Variants in ERP27 observed in about 807,000 individuals in gnomAD.
ERP27 encodes endoplasmic reticulum resident protein 27.
A neutral mutation model predicts 27.7 loss-of-function variants in ERP27; 23 were observed. That is an observed-to-expected ratio of 0.83 (90% CI 0.60 to 1.18). ERP27 has a LOEUF of 1.18. Among genes scored for constraint, ERP27 ranks in the 50% most tolerant of loss-of-function variants. The probability of loss-of-function intolerance (pLI) is 0.00; values close to 1 mark genes in which losing one functional copy is unlikely to be tolerated. For synonymous variants in ERP27, 159 were observed against 118.3 expected, an observed-to-expected ratio of 1.34 and a Z score of -2.23; for missense variants, 363 against 327.9, an observed-to-expected ratio of 1.11 and a Z score of -0.83.
At chr12:14,921,276 C>T (rs1282509298) in intron 3 of ERP27, among the ~76,000 whole-genome samples, 2 of 152,098 alleles carry the variant, frequency 1.3e-5, no homozygotes, top group African/African-American at 4.8e-5. Context: ...ATCACAGGCC[C>T]GCATGTCACC....
At chr12:14,918,476 AAG>A (rs1389860738) in intron 4 of ERP27, among the ~76,000 whole-genome samples, 1 of 152,214 alleles carries the variant, frequency 6.6e-6, no homozygotes, top group Admixed American at 6.5e-5. Context: ...GGAGAAGAAA[AAG>A]AGGGGAATCC....
At chr12:14,919,867 G>A (rs1231727368) in intron 4 of ERP27, among the ~76,000 whole-genome samples, 1 of 152,156 alleles carries the variant, frequency 6.6e-6, no homozygotes, top group Admixed American at 6.5e-5. Context: ...TACTCATGAT[G>A]TGACTTTGAA....
At chr12:14,919,875 G>C (rs1014893979) in intron 4 of ERP27, among the ~76,000 whole-genome samples, 3 of 152,102 alleles carry the variant, frequency 2.0e-5, no homozygotes, top group Non-Finnish European at 2.9e-5. Flanking sequence ...ATGTGACTTT[G>C]AATAATGTTA....
chr12:14,924,498 AG>A (rs773227012), intron 3 of ERP27, among the ~76,000 whole-genome samples: 12 of 152,208 alleles, frequency 7.9e-5, no homozygotes, highest in Non-Finnish European at 1.2e-4. Flanking sequence ...ACCCATTAAC[AG>A]TGTATAAAAA....
intron 3 of ERP27, among the ~76,000 whole-genome samples, chr12:14,933,645 T>C (rs1344851618): frequency 6.6e-6 from 1 of 152,276 alleles, no homozygotes; most frequent in South Asian, 2.1e-4. Context: ...TTCTTTTCCA[T>C]CAATTTACTC....
chr12:14,932,146 A>G (rs1186461497), intron 3 of ERP27, among the ~76,000 whole-genome samples: 2 of 152,198 alleles, frequency 1.3e-5, no homozygotes, highest in Non-Finnish European at 2.9e-5. Context: ...AGCCCTTTGA[A>G]TACAAAGATG....
At position 14,928,084 on chromosome 12, in the gene ERP27, A is replaced by G. The variant is rs191667922; in HGVS notation, c.333+6772T>C. ...TGAACAATTTTGTCCATTTCCTACAATAGTTTGCATCACTTTTGAGATCCT... is the reference window on the plus strand; with the variant it reads ...TGAACAATTTTGTCCATTTCCTACAGTAGTTTGCATCACTTTTGAGATCCT... On this transcript the variant is annotated intron_variant, in intron 3 of 6. Transcript: ENST00000266397. Among the ~76,000 whole-genome samples, 3 of 152,278 alleles carry G rather than the reference A, an allele frequency of 2.0e-5. No homozygotes were observed. The East Asian group carries it at 5.8e-4, about 29-fold the overall frequency.
At position 14,920,822 on chromosome 12, in the gene ERP27, T is replaced by C; in HGVS notation, c.450+110A>G. 3 of 779,120 alleles carry C rather than the reference T, an allele frequency of 3.9e-6. No individual in the cohort carries two copies. The South Asian group carries it at 4.8e-5, about 13-fold the overall frequency. The allele number at this position is 779,120 out of a possible 1,614,324, so 48.3% of individuals were successfully genotyped here. A position where few individuals can be genotyped will look rare whatever the true frequency, so the allele number is the denominator to read the frequency against. ...GATAGTAACATAAACAATACAGTAT[T>C]GTATTGGTCGAAGAATTGGAACTCT... On this transcript the variant is annotated intron_variant, in intron 4 of 6. Transcript: ENST00000266397.
chr12:14,920,844 C>A (rs1340029461), intron 4 of ERP27, 88 bp downstream of exon 4: 1 of 943,234 alleles, frequency 1.1e-6, no homozygotes, highest in African/African-American at 1.6e-5. Flanking sequence ...AGAATTGGAA[C>A]TCTGGGAGGA....
chr12:14,938,240 T>A (rs1423188848), intron 1 of ERP27, among the ~76,000 whole-genome samples, 175 bp downstream of exon 1: 2 of 152,142 alleles, frequency 1.3e-5, no homozygotes, highest in Non-Finnish European at 2.9e-5. Flanking sequence ...ATGGTCTGTC[T>A]CTGAAGGATA....
Position 14,938,530 on chromosome 12 carries a change from C to G in ERP27, c.-22G>C, listed in dbSNP as rs1406350988. ...CCATTGTCCCTCTCCTGCTCCTGCTCCAACCCTGGACTTTGTGTTGGGGAG... is the reference window on the plus strand; with the variant it reads ...CCATTGTCCCTCTCCTGCTCCTGCTGCAACCCTGGACTTTGTGTTGGGGAG... On this transcript the variant is annotated 5_prime_UTR_variant, in exon 1 of 7. Coordinates refer to ENST00000266397, the MANE Select transcript of ERP27 (RefSeq NM_152321.4). 2 of 1,589,438 alleles carry G rather than the reference C, an allele frequency of 1.3e-6. No individual in the cohort carries two copies. Among genetic ancestry groups the G allele is most frequent in the Admixed American group, 3.5e-5 (2 of 56,636 alleles).
intron 5 of ERP27, 44 bp downstream of exon 5, chr12:14,917,134 C>G (rs370173477): frequency 1.6e-5 from 26 of 1,611,886 alleles, no homozygotes; most frequent in African/African-American, 1.2e-4. Flanking sequence ...TTCCTAGTGT[C>G]CTGGAGGTGT....
rs552811569 is a variant in ERP27, at chr12:14,927,335, G to A, written c.334-6287C>T. Among the ~76,000 whole-genome samples, 9 of 151,406 alleles carry A rather than the reference G, an allele frequency of 5.9e-5. No individual in the cohort carries two copies. The East Asian group carries it at 1.6e-3, about 26-fold the overall frequency. ...TTTGTGTGTGTGTGCGTGTGTGCAT[G>A]TGTGTGTGTGTGTATATATATATAT... On this transcript the variant is annotated intron_variant, in intron 3 of 6. Coordinates refer to ENST00000266397, the MANE Select transcript of ERP27 (RefSeq NM_152321.4).
intron 3 of ERP27, 71 bp downstream of exon 3, chr12:14,934,785 G>A (rs1477146878): frequency 1.3e-6 from 2 of 1,574,126 alleles, no homozygotes; most frequent in African/African-American, 2.7e-5. Context: ...GTCCTTTCCA[G>A]TCTCACAAGT....
chr12:14,933,374 C>A (rs1056917323), intron 3 of ERP27, among the ~76,000 whole-genome samples: 1 of 152,124 alleles, frequency 6.6e-6, no homozygotes, highest in African/African-American at 2.4e-5. Context: ...AAGAAGTCAT[C>A]ACTAACATCA....
Position 14,933,560 on chromosome 12 carries a change from A to G in ERP27, c.333+1296T>C, listed in dbSNP as rs79049401. Among the ~76,000 whole-genome samples, 828 of 152,322 alleles carry G rather than the reference A, an allele frequency of 5.4e-3. 7 individuals are homozygous for G. Among genetic ancestry groups the G allele is most frequent in the East Asian group, 0.042 (219 of 5,188 alleles). On this transcript the variant is annotated intron_variant, in intron 3 of 6. Coordinates refer to ENST00000266397, the MANE Select transcript of ERP27 (RefSeq NM_152321.4). ...ACAAAATACACTTAAAGAAGTTTCA[A>G]TGAGAAAAGAAAGGGAAAGAAAGGA...
intron 3 of ERP27, among the ~76,000 whole-genome samples, chr12:14,931,824 C>T (rs1411955465): frequency 3.3e-5 from 5 of 151,744 alleles, no homozygotes; most frequent in African/African-American, 1.2e-4. Flanking sequence ...GACCGACAAA[C>T]GAAAAACTGA....
intron 5 of ERP27, 186 bp from the exon 6 acceptor site, chr12:14,915,872 C>T (rs1863403092): frequency 2.3e-5 from 14 of 607,396 alleles, no homozygotes; most frequent in Non-Finnish European, 3.4e-5. Flanking sequence ...TTTGTGGGAA[C>T]GTGGATGGGG....
At chr12:14,928,796 G>C in intron 3 of ERP27, 1 of 628,072 alleles carries the variant, frequency 1.6e-6, no homozygotes, top group Admixed American at 3.1e-5. Flanking sequence ...GAAAGCAAGA[G>C]AAAAGGTCTT....
Sources: gnomAD v4.1 joint callset for allele counts (sites outside exome capture counted in the v4.1 genomes callset) on GRCh38, gnomAD v4.1.1 for gene constraint, MANE v1.5 for transcripts, NCBI Gene and HGNC (gene_info 2026-07-23, HGNC 2026-07-21) for gene names.